RANBP2: variants seen among roughly 807,000 people sequenced by gnomAD.
The protein encoded by RANBP2 is E3 SUMO-protein ligase RanBP2.
RANBP2 carries 57 observed loss-of-function variants against 303.6 expected under a neutral mutation model. The observed-to-expected ratio is 0.19, with a 90% CI of 0.15 to 0.23. RANBP2 has a LOEUF of 0.23. Ranked by LOEUF, RANBP2 falls within the 10% of genes least tolerant of loss-of-function variation. The pLI is 1.00. For synonymous variants in RANBP2, 1,167 were observed against 1,301.5 expected, an observed-to-expected ratio of 0.90 and a Z score of 2.23; for missense variants, 3,138 against 3,780.8, an observed-to-expected ratio of 0.83 and a Z score of 4.46.
the RANBP2 span, among the ~76,000 whole-genome samples, chr2:108,844,781 T>C: frequency 1.3e-5 from 2 of 150,406 alleles, no homozygotes; most frequent in Non-Finnish European, 3.0e-5. Context: ...AGAGTCTTGC[T>C]CTGTCATCCA....
the RANBP2 span, among the ~76,000 whole-genome samples, chr2:109,063,572 G>C: frequency 6.6e-6 from 1 of 152,146 alleles, no homozygotes; most frequent in South Asian, 2.1e-4. Context: ...GGGGTTTCTT[G>C]CTCAATGGCT....
At chr2:108,884,867 A>C in the RANBP2 span, 3 of 151,220 alleles carry the variant, frequency 2.0e-5, no homozygotes, top group African/African-American at 7.2e-5. Flanking sequence ...GCCAAGCCAC[A>C]CACCCTCGTT....
the RANBP2 span, among the ~76,000 whole-genome samples, chr2:108,941,094 A>C: frequency 6.6e-6 from 1 of 152,176 alleles, no homozygotes; most frequent in East Asian, 1.9e-4. Context: ...CTTCATATAC[A>C]TGGAATCGGG....
At chr2:109,226,409 G>A in the RANBP2 span, among the ~76,000 whole-genome samples, 2 of 152,188 alleles carry the variant, frequency 1.3e-5, no homozygotes, top group African/African-American at 4.8e-5. Context: ...AGGAACTGGA[G>A]CCATGTGAGG....
At chr2:109,296,862 C>T in the RANBP2 span, among the ~76,000 whole-genome samples, 3 of 152,186 alleles carry the variant, frequency 2.0e-5, no homozygotes, top group Admixed American at 2.0e-4. Flanking sequence ...CTCCTGACAG[C>T]ACTGCTATAG....
At chr2:109,585,600 G>C in the RANBP2 span, 2 of 807,312 alleles carry the variant, frequency 2.5e-6, no homozygotes, top group South Asian at 1.7e-5. Flanking sequence ...AACAACTAAA[G>C]AGAATCCCTG....
chr2:109,739,373 T>C, the RANBP2 span, among the ~76,000 whole-genome samples: 2 of 150,250 alleles, frequency 1.3e-5, no homozygotes, highest in Admixed American at 6.7e-5. Context: ...AATCCATAAA[T>C]GTGGAATATC....
chr2:108,980,238 C>T, the RANBP2 span, among the ~76,000 whole-genome samples: 3 of 152,094 alleles, frequency 2.0e-5, no homozygotes, highest in African/African-American at 7.2e-5. Context: ...CTATTTGCTT[C>T]ACTGATTCCG....
the RANBP2 span, among the ~76,000 whole-genome samples, chr2:108,994,987 G>A: frequency 6.7e-4 from 102 of 151,658 alleles, no homozygotes; most frequent in Admixed American, 2.0e-3. Context: ...CCGCCACCAC[G>A]CCTGGCTAAT....
chr2:109,616,378 T>G, the RANBP2 span: 2 of 219,094 alleles, frequency 9.1e-6, no homozygotes, highest in Non-Finnish European at 1.9e-5. Flanking sequence ...TGAGAGTTCC[T>G]TTGCTTTAAC....
chr2:108,818,100 G>T, the RANBP2 span, among the ~76,000 whole-genome samples: 9 of 152,092 alleles, frequency 5.9e-5, no homozygotes, highest in African/African-American at 1.2e-4. Context: ...GAGCCTAGGG[G>T]TTTGAGATCA....
chr2:109,273,542 T>G, the RANBP2 span, among the ~76,000 whole-genome samples: 6,125 of 152,228 alleles, frequency 0.04, 412 homozygotes, highest in African/African-American at 0.14. Flanking sequence ...GGGCACGTGT[T>G]TAGTGAATGC....
At chr2:109,515,350 G>A in the RANBP2 span, among the ~76,000 whole-genome samples, 77,057 of 152,022 alleles carry the variant, frequency 0.51, 20,161 homozygotes, top group Middle Eastern at 0.68. Context: ...CAGGCTGGGG[G>A]CAGAGTGGCT....
At chr2:109,154,401 G>A in the RANBP2 span, among the ~76,000 whole-genome samples, 1 of 152,142 alleles carries the variant, frequency 6.6e-6, no homozygotes, top group African/African-American at 2.4e-5. Flanking sequence ...GCCCCCCAGC[G>A]CTGCTGCCAT....
chr2:108,939,016 G>C, the RANBP2 span, among the ~76,000 whole-genome samples: 1 of 152,034 alleles, frequency 6.6e-6, no homozygotes, highest in Non-Finnish European at 1.5e-5. Flanking sequence ...CTGACCTCAT[G>C]ATCTGCCCAC....
the RANBP2 span, among the ~76,000 whole-genome samples, chr2:109,212,638 T>G: frequency 6.6e-6 from 1 of 152,336 alleles, no homozygotes; most frequent in East Asian, 1.9e-4. Context: ...TCAATGTTTC[T>G]TCTCCAGATA....
intron 20 of RANBP2, among the ~76,000 whole-genome samples, chr2:108,769,045 AAAC>A (rs1252108907): frequency 6.0e-4 from 92 of 152,186 alleles, no homozygotes; most frequent in African/African-American, 2.0e-3. Context: ...AAAAAAAAAA[AAAC>A]AACGTGATAT....
the RANBP2 span, among the ~76,000 whole-genome samples, chr2:109,257,124 T>C: frequency 6.6e-6 from 1 of 152,208 alleles, no homozygotes; most frequent in Non-Finnish European, 1.5e-5. Flanking sequence ...GAATCCCTCA[T>C]GTCCACTCTG....
At chr2:109,646,413 T>C in the RANBP2 span, among the ~76,000 whole-genome samples, 24 of 152,206 alleles carry the variant, frequency 1.6e-4, no homozygotes, top group Admixed American at 1.5e-3. Flanking sequence ...GACTGCATCA[T>C]GCCCAACCAC....
Sources: gnomAD v4.1 joint callset for allele counts (sites outside exome capture counted in the v4.1 genomes callset) on GRCh38, gnomAD v4.1.1 for gene constraint, MANE v1.5 for transcripts, NCBI Gene and HGNC (gene_info 2026-07-23, HGNC 2026-07-21) for gene names.